PBX1: variants seen among roughly 807,000 people sequenced by gnomAD.
The protein encoded by PBX1 is PBX homeobox 1.
In PBX1, 6 loss-of-function variants were observed where a neutral mutation model predicts 53.4. The observed-to-expected ratio is 0.11, with a 90% CI of 0.06 to 0.22. The LOEUF is 0.22. Ranked by LOEUF, PBX1 falls within the 10% of genes least tolerant of loss-of-function variation. PBX1 has a pLI of 1.00. For synonymous variants in PBX1, 204 were observed against 212.3 expected (o/e 0.96, Z 0.34); for missense variants, 251 against 551.4 (o/e 0.46, Z 5.46).
intron 3 of PBX1, among the ~76,000 whole-genome samples, chr1:164,799,286 C>T (rs944534988): frequency 1.3e-5 from 2 of 152,036 alleles, no homozygotes; most frequent in South Asian, 2.1e-4. Flanking sequence ...GTCAGGAGAT[C>T]GAGACCATCC....
chr1:164,788,810 C>T (rs1179916235), intron 2 of PBX1, among the ~76,000 whole-genome samples: 1 of 118,730 alleles, frequency 8.4e-6, no homozygotes, highest in East Asian at 2.9e-4. Context: ...TGATTGGGGA[C>T]CTATTTATGT....
intron 2 of PBX1, among the ~76,000 whole-genome samples, chr1:164,862,567 C>A (rs1050927855): frequency 3.9e-5 from 6 of 152,168 alleles, no homozygotes; most frequent in Admixed American, 6.5e-5. Context: ...CAACTGCCCC[C>A]ACATTTGGTT....
intron 2 of PBX1, among the ~76,000 whole-genome samples, chr1:164,768,593 A>G (rs1667195874): frequency 6.6e-6 from 1 of 152,224 alleles, no homozygotes; most frequent in African/African-American, 2.4e-5. Flanking sequence ...GGTTCCCGAT[A>G]GAATGGTTCC....
chr1:164,802,534 G>A (rs1309263299), intron 4 of PBX1, among the ~76,000 whole-genome samples: 2 of 152,066 alleles, frequency 1.3e-5, no homozygotes, highest in South Asian at 2.1e-4. Context: ...GGCTTTAATC[G>A]AATCTTCCCT....
At chr1:164,624,601 A>G (rs780545821) in intron 2 of PBX1, among the ~76,000 whole-genome samples, 1 of 152,246 alleles carries the variant, frequency 6.6e-6, no homozygotes, top group Non-Finnish European at 1.5e-5. Context: ...GTCTGTAAAC[A>G]GAATAATGTC....
chr1:164,662,443 G>A (rs1219037928), intron 2 of PBX1, among the ~76,000 whole-genome samples: 2 of 152,190 alleles, frequency 1.3e-5, no homozygotes, highest in Non-Finnish European at 2.9e-5. Context: ...AGAATACCTT[G>A]AAGCTGTGGG....
intron 2 of PBX1, among the ~76,000 whole-genome samples, chr1:164,753,068 C>T (rs1432382921): frequency 3.3e-5 from 5 of 152,134 alleles, no homozygotes; most frequent in Admixed American, 1.3e-4. Context: ...TTTCCAGCAA[C>T]GGGGCTGTTG....
At chr1:164,657,919 C>T (rs1277028576) in intron 2 of PBX1, among the ~76,000 whole-genome samples, 9 of 152,110 alleles carry the variant, frequency 5.9e-5, no homozygotes, top group Non-Finnish European at 1.3e-4. Context: ...GTGCCTTTGC[C>T]ACTCCATGTC....
At chr1:164,792,124 A>G (rs966390813) in intron 2 of PBX1, among the ~76,000 whole-genome samples, 5 of 152,158 alleles carry the variant, frequency 3.3e-5, no homozygotes, top group Non-Finnish European at 7.3e-5. Context: ...TTTTAAGTGT[A>G]CAGTTGAGTA....
intron 2 of PBX1, among the ~76,000 whole-genome samples, chr1:164,695,261 T>C (rs1433100282): frequency 1.3e-5 from 2 of 152,186 alleles, no homozygotes; most frequent in Non-Finnish European, 1.5e-5. Flanking sequence ...CTGAGAATTA[T>C]TCATTTTGGT....
At chr1:164,602,530 C>T (rs1656245212) in intron 2 of PBX1, among the ~76,000 whole-genome samples, 1 of 152,074 alleles carries the variant, frequency 6.6e-6, no homozygotes, top group Admixed American at 6.5e-5. Flanking sequence ...CATGTTTCCA[C>T]CCACTTAGAC....
At chr1:164,841,498 G>A (rs1365167779) in intron 8 of PBX1, among the ~76,000 whole-genome samples, 1 of 152,110 alleles carries the variant, frequency 6.6e-6, no homozygotes, top group Non-Finnish European at 1.5e-5. Flanking sequence ...AGCTCTGGTG[G>A]CAGCTAGAGA....
chr1:164,771,267 G>A (rs765819991), intron 2 of PBX1: 18 of 152,022 alleles, frequency 1.2e-4, no homozygotes, highest in African/African-American at 3.9e-4. Flanking sequence ...TTCTTGCCTC[G>A]AGGGTGTGTG....
intron 2 of PBX1, among the ~76,000 whole-genome samples, chr1:164,627,057 G>T (rs1215073429): frequency 6.6e-6 from 1 of 151,992 alleles, no homozygotes; most frequent in Non-Finnish European, 1.5e-5. Context: ...TCTCCTTTTG[G>T]CTGGTGGCTG....
intron 2 of PBX1, among the ~76,000 whole-genome samples, chr1:164,679,594 A>G (rs957726181): frequency 1.3e-5 from 2 of 152,312 alleles, no homozygotes; most frequent in Admixed American, 6.5e-5. Context: ...CAACTACAAC[A>G]ATAAATCCAA....
intron 2 of PBX1, among the ~76,000 whole-genome samples, chr1:164,748,839 T>C (rs1666040984): frequency 6.6e-6 from 1 of 151,984 alleles, no homozygotes; most frequent in African/African-American, 2.4e-5. Context: ...GGGACTAGGA[T>C]GGGGTGAGCA....
At chr1:164,575,196 G>C (rs1221157047) in intron 2 of PBX1, among the ~76,000 whole-genome samples, 1 of 152,204 alleles carries the variant, frequency 6.6e-6, no homozygotes, top group Non-Finnish European at 1.5e-5. Flanking sequence ...TCATATGGTA[G>C]AGCCCAGGAA....
At chr1:164,732,983 G>A (rs924614400) in intron 2 of PBX1, among the ~76,000 whole-genome samples, 1 of 152,138 alleles carries the variant, frequency 6.6e-6, no homozygotes, top group Non-Finnish European at 1.5e-5. Context: ...CTCCACAGTT[G>A]CTTAATGCAA....
chr1:164,613,339 G>T (rs1179008223), intron 2 of PBX1, among the ~76,000 whole-genome samples: 1 of 152,158 alleles, frequency 6.6e-6, no homozygotes, highest in Admixed American at 6.5e-5. Context: ...CAACTGCCCT[G>T]AACTTGTCAC....
Sources: allele counts gnomAD v4.1 joint callset (sites outside exome capture counted in the v4.1 genomes callset), GRCh38; gene constraint gnomAD v4.1.1; transcripts MANE v1.5; gene names NCBI Gene and HGNC (gene_info 2026-07-23, HGNC 2026-07-21).